The following RUNX1 variants were observed in gnomAD, a reference collection of about 807,000 sequenced individuals.
RUNX1 encodes RUNX family transcription factor 1, also known as runt-related transcription factor 1.
A neutral mutation model predicts 42.8 loss-of-function variants in RUNX1; 19 were observed. The observed-to-expected ratio is 0.44, with a 90% CI of 0.31 to 0.65. RUNX1 has a LOEUF of 0.65. Among genes scored for constraint, RUNX1 ranks in the 30% least tolerant of loss-of-function variants. The probability of loss-of-function intolerance (pLI) is 0.07; values close to 1 mark genes in which losing one functional copy is unlikely to be tolerated. For missense variants in RUNX1, 528 were observed against 672.0 expected (o/e 0.79, Z 2.37); for synonymous variants, 271 against 289.4 (o/e 0.94, Z 0.64).
intron 7 of RUNX1, among the ~76,000 whole-genome samples, chr21:34,828,823 T>C (rs369913000): frequency 1.3e-5 from 2 of 152,258 alleles, no homozygotes; most frequent in Admixed American, 6.5e-5. Flanking sequence ...TCTCAGCAGA[T>C]GATGGCACCT....
intron 2 of RUNX1, among the ~76,000 whole-genome samples, chr21:34,922,684 C>G (rs2058362794): frequency 6.6e-6 from 1 of 152,166 alleles, no homozygotes; most frequent in South Asian, 2.1e-4. Context: ...GGAGTCCCCC[C>G]TGGTGGTGAG....
chr21:34,968,753 G>A (rs1488730648), intron 2 of RUNX1, among the ~76,000 whole-genome samples: 1 of 152,048 alleles, frequency 6.6e-6, no homozygotes, highest in Non-Finnish European at 1.5e-5. Context: ...TCTGATCTGT[G>A]GAAAACTTCT....
chr21:34,963,737 T>A (rs142072635), intron 2 of RUNX1, among the ~76,000 whole-genome samples: 76 of 152,224 alleles, frequency 5.0e-4, no homozygotes, highest in Non-Finnish European at 1.0e-3. Flanking sequence ...GGTGAATCAA[T>A]GGGGCATTAT....
intron 7 of RUNX1, among the ~76,000 whole-genome samples, chr21:34,832,287 C>T (rs1456063679): frequency 6.6e-6 from 1 of 152,152 alleles, no homozygotes. Flanking sequence ...CAATGTGCAA[C>T]TTCCCCCCAT....
intron 2 of RUNX1, among the ~76,000 whole-genome samples, chr21:35,015,766 G>C (rs2059154873): frequency 6.6e-6 from 1 of 152,180 alleles, no homozygotes; most frequent in African/African-American, 2.4e-5. Context: ...AACTTCACAA[G>C]AACTCTATGG....
chr21:34,925,311 A>C (rs1208822815), intron 2 of RUNX1, among the ~76,000 whole-genome samples: 1 of 152,166 alleles, frequency 6.6e-6, no homozygotes, highest in African/African-American at 2.4e-5. Context: ...CCCTCCTAAA[A>C]GATATGTTGA....
chr21:35,035,815 C>T (rs916969121), intron 2 of RUNX1, among the ~76,000 whole-genome samples: 4 of 152,202 alleles, frequency 2.6e-5, no homozygotes, highest in African/African-American at 9.6e-5. Context: ...AGGCTCACTG[C>T]AGGTCTCTCT....
intron 5 of RUNX1, among the ~76,000 whole-genome samples, chr21:34,862,432 A>G (rs934780676): frequency 6.6e-6 from 1 of 152,184 alleles, no homozygotes; most frequent in African/African-American, 2.4e-5. Context: ...ATAAATTATC[A>G]CAAACTGGGT....
intron 5 of RUNX1, among the ~76,000 whole-genome samples, chr21:34,862,648 C>A (rs1445617405): frequency 6.6e-6 from 1 of 152,200 alleles, no homozygotes; most frequent in Non-Finnish European, 1.5e-5. Context: ...ACATGACTGT[C>A]TTCCTACTGG....
rs182919771 is a variant in RUNX1, at chr21:35,009,521, G to T, written c.58+39321C>A. Among the ~76,000 whole-genome samples, 79 of 152,248 alleles carry T rather than the reference G, an allele frequency of 5.2e-4. 1 individual carries two copies. Among genetic ancestry groups the T allele is most frequent in the African/African-American group, 1.7e-3 (70 of 41,542 alleles). On this transcript the variant is annotated intron_variant, in intron 2 of 8. Coordinates refer to ENST00000675419, the MANE Select transcript of RUNX1 (RefSeq NM_001754.5). ...GTTAATTACACATTATTATATTCCT[G>T]GGATAAGACACACTTATATGAGCAT... is the stretch of plus-strand genomic sequence containing the variant.
chr21:34,955,700 T>C (rs1327667902), intron 2 of RUNX1, among the ~76,000 whole-genome samples: 1 of 152,186 alleles, frequency 6.6e-6, no homozygotes, highest in African/African-American at 2.4e-5. Flanking sequence ...TTTTAAGCAT[T>C]GATGGAAATG....
At chr21:34,973,969 A>G (rs184930767) in intron 2 of RUNX1, among the ~76,000 whole-genome samples, 64 of 152,216 alleles carry the variant, frequency 4.2e-4, no homozygotes, top group African/African-American at 1.4e-3. Flanking sequence ...TTATCTCAAT[A>G]TTTCTGATGA....
At chr21:34,919,735 T>C (rs779485506) in intron 2 of RUNX1, among the ~76,000 whole-genome samples, 14 of 152,248 alleles carry the variant, frequency 9.2e-5, no homozygotes, top group Non-Finnish European at 2.9e-5. Context: ...TTTTGGTAAC[T>C]GATGCTTGAT....
At chr21:34,869,215 A>G (rs1460135974) in intron 5 of RUNX1, among the ~76,000 whole-genome samples, 1 of 152,156 alleles carries the variant, frequency 6.6e-6, no homozygotes, top group Admixed American at 6.5e-5. Context: ...CTGTAGAAGG[A>G]AGAACATCAT....
chr21:35,026,840 T>G (rs990032284), intron 2 of RUNX1, among the ~76,000 whole-genome samples: 1 of 152,236 alleles, frequency 6.6e-6, no homozygotes, highest in Non-Finnish European at 1.5e-5. Context: ...GCAGCTCTGG[T>G]GCGCAGCGCG....
At chr21:34,888,736 C>G (rs1281666269) in intron 3 of RUNX1, 18 of 1,002,008 alleles carry the variant, frequency 1.8e-5, no homozygotes, top group Non-Finnish European at 2.0e-5. Flanking sequence ...TAAGCCCGGC[C>G]GGAGGAATTC....
intron 6 of RUNX1, among the ~76,000 whole-genome samples, chr21:34,855,909 C>T (rs1286635645): frequency 6.6e-6 from 1 of 152,120 alleles, no homozygotes; most frequent in Non-Finnish European, 1.5e-5. Context: ...TTTGATGGTG[C>T]TCTTGCTCCA....
Position 34,808,436 on chromosome 21 carries a change from T to C in RUNX1, c.806-8974A>G, listed in dbSNP as rs368233866. Among the ~76,000 whole-genome samples the C allele has an allele frequency of 5.4e-4, 82 of 152,266 alleles. No homozygotes were observed. In the East Asian group the frequency reaches 0.01, roughly 19 times the overall value. ...CACCACTCCCTGCTTCCGGGACCCG[T>C]ATTCATCACCTCGCCGGGGAAGCTT... On this transcript the variant is annotated intron_variant, in intron 7 of 8. Coordinates refer to ENST00000675419, the MANE Select transcript of RUNX1 (RefSeq NM_001754.5).
At chr21:34,908,903 CT>C (rs2058248044) in intron 2 of RUNX1, among the ~76,000 whole-genome samples, 2 of 151,942 alleles carry the variant, frequency 1.3e-5, no homozygotes. Flanking sequence ...AGCCATTGAC[CT>C]TTCTTCTATA....
Sources: allele counts gnomAD v4.1 joint callset (sites outside exome capture counted in the v4.1 genomes callset), GRCh38; gene constraint gnomAD v4.1.1; transcripts MANE v1.5; gene names NCBI Gene and HGNC (gene_info 2026-07-23, HGNC 2026-07-21).